RPS6KC1: variants seen among roughly 807,000 people sequenced by gnomAD.
RPS6KC1 encodes inactive ribosomal protein S6 kinase delta-1.
RPS6KC1 carries 54 observed loss-of-function variants against 103.8 expected under a neutral mutation model. That is an observed-to-expected ratio of 0.52 (90% CI 0.42 to 0.65). The LOEUF (loss-of-function observed/expected upper bound fraction) is 0.65. Ranked by LOEUF, RPS6KC1 falls within the 30% of genes least tolerant of loss-of-function variation. The pLI is 0.00. For synonymous variants in RPS6KC1, 439 were observed against 438.7 expected (o/e 1.00, Z -0.01); for missense variants, 1,151 against 1,253.8 (o/e 0.92, Z 1.24).
the RPS6KC1 span, among the ~76,000 whole-genome samples, chr1:213,676,114 T>G: frequency 0.39 from 59,714 of 152,136 alleles, 13,929 homozygotes; most frequent in South Asian, 0.7. Flanking sequence ...TCTGGGTTTC[T>G]ATACCTTTAC....
chr1:213,570,401 T>C, the RPS6KC1 span, among the ~76,000 whole-genome samples: 1 of 152,322 alleles, frequency 6.6e-6, no homozygotes, highest in East Asian at 1.9e-4. Context: ...TCTGAGGGTC[T>C]AATTCTGCCC....
the RPS6KC1 span, among the ~76,000 whole-genome samples, chr1:213,529,976 T>C: frequency 2.6e-5 from 4 of 152,166 alleles, no homozygotes; most frequent in Non-Finnish European, 5.9e-5. Flanking sequence ...GCCCACATTC[T>C]ATTGCAAGTC....
chr1:213,258,814 T>A (rs1352980482), intron 12 of RPS6KC1, among the ~76,000 whole-genome samples: 1 of 152,226 alleles, frequency 6.6e-6, no homozygotes, highest in Non-Finnish European at 1.5e-5. Context: ...TTATAAAGTC[T>A]AAGAGTACAC....
chr1:213,347,565 G>A, the RPS6KC1 span, among the ~76,000 whole-genome samples: 1 of 152,130 alleles, frequency 6.6e-6, no homozygotes, highest in Non-Finnish European at 1.5e-5. Flanking sequence ...TTAGCCAGGT[G>A]TGGAGGCATG....
chr1:213,454,879 C>T, the RPS6KC1 span, among the ~76,000 whole-genome samples: 10 of 152,302 alleles, frequency 6.6e-5, no homozygotes, highest in African/African-American at 1.9e-4. Flanking sequence ...TCAACTCTGG[C>T]GGGGACCCAT....
At chr1:213,403,347 C>T in the RPS6KC1 span, among the ~76,000 whole-genome samples, 3 of 152,102 alleles carry the variant, frequency 2.0e-5, no homozygotes, top group East Asian at 1.9e-4. Context: ...CTGGCTCTCT[C>T]CCCGAGGGGT....
chr1:213,171,082 C>T (rs2091440345), intron 7 of RPS6KC1, among the ~76,000 whole-genome samples: 1 of 152,042 alleles, frequency 6.6e-6, no homozygotes, highest in Admixed American at 6.6e-5. Context: ...CTTCTTCCAC[C>T]CAGGTTTTCT....
chr1:213,360,969 C>CT, the RPS6KC1 span, among the ~76,000 whole-genome samples: 1 of 152,238 alleles, frequency 6.6e-6, no homozygotes, highest in Admixed American at 6.5e-5. Context: ...TCTGCCCCTA[C>CT]TGGGGGGTGC....
chr1:213,354,532 A>G, the RPS6KC1 span, among the ~76,000 whole-genome samples: 4 of 152,210 alleles, frequency 2.6e-5, no homozygotes, highest in East Asian at 7.7e-4. Context: ...AGTACCTGAA[A>G]CTGGGTAATA....
the RPS6KC1 span, among the ~76,000 whole-genome samples, chr1:213,502,107 C>T: frequency 6.6e-6 from 1 of 152,152 alleles, no homozygotes; most frequent in Non-Finnish European, 1.5e-5. Flanking sequence ...TTGAGTCTAT[C>T]CCTTATTTTA....
intron 6 of RPS6KC1, among the ~76,000 whole-genome samples, chr1:213,147,266 T>C (rs1384858802): frequency 2.6e-5 from 4 of 152,186 alleles, no homozygotes; most frequent in Non-Finnish European, 5.9e-5. Context: ...AAAAATCTTT[T>C]CCCAAACCAA....
the RPS6KC1 span, among the ~76,000 whole-genome samples, chr1:213,343,719 A>G: frequency 6.6e-6 from 1 of 152,042 alleles, no homozygotes; most frequent in Admixed American, 6.6e-5. Context: ...TAGTGGGTGC[A>G]CCAAAATCCC....
chr1:213,297,113 C>T, the RPS6KC1 span, among the ~76,000 whole-genome samples: 5 of 152,128 alleles, frequency 3.3e-5, no homozygotes, highest in African/African-American at 9.7e-5. Flanking sequence ...ATGACAATGG[C>T]GTGCAAAGTC....
At chr1:213,828,657 A>G in the RPS6KC1 span, among the ~76,000 whole-genome samples, 6 of 152,166 alleles carry the variant, frequency 3.9e-5, no homozygotes, top group African/African-American at 1.4e-4. Flanking sequence ...TTTAGAACTG[A>G]AAAAGATCTT....
the RPS6KC1 span, among the ~76,000 whole-genome samples, chr1:213,578,698 C>T: frequency 6.6e-6 from 1 of 152,132 alleles, no homozygotes; most frequent in Non-Finnish European, 1.5e-5. Context: ...GCCAATTTCT[C>T]CCATTTGGAT....
chr1:213,822,586 T>C, the RPS6KC1 span, among the ~76,000 whole-genome samples: 4 of 152,218 alleles, frequency 2.6e-5, no homozygotes, highest in Non-Finnish European at 2.9e-5. Context: ...CTAATTGGTA[T>C]GTCCAGATCA....
chr1:213,808,560 C>G, the RPS6KC1 span, among the ~76,000 whole-genome samples: 1 of 152,224 alleles, frequency 6.6e-6, no homozygotes, highest in Non-Finnish European at 1.5e-5. Flanking sequence ...CAGCAAGGCT[C>G]CGTGGGCGTA....
chr1:213,500,236 T>TA, the RPS6KC1 span, among the ~76,000 whole-genome samples: 1 of 152,180 alleles, frequency 6.6e-6, no homozygotes, highest in Admixed American at 6.5e-5. Context: ...ACTTTTTTAT[T>TA]AAAAACTAAG....
At chr1:213,794,960 C>A in the RPS6KC1 span, among the ~76,000 whole-genome samples, 5 of 152,214 alleles carry the variant, frequency 3.3e-5, no homozygotes, top group Admixed American at 3.3e-4. Context: ...AGACTTGAAT[C>A]TTCCAGACCT....
Sources: allele counts gnomAD v4.1 joint callset (sites outside exome capture counted in the v4.1 genomes callset), GRCh38; gene constraint gnomAD v4.1.1; transcripts MANE v1.5; gene names NCBI Gene and HGNC (gene_info 2026-07-23, HGNC 2026-07-21).